SNPH: variants seen among roughly 807,000 people sequenced by gnomAD.
SNPH encodes syntaphilin.
Under a neutral mutation model 36.8 loss-of-function variants are expected in SNPH, and 10 were observed. That is an observed-to-expected ratio of 0.27 (90% CI 0.17 to 0.46). The LOEUF (loss-of-function observed/expected upper bound fraction) is 0.46. SNPH is among the 20% of genes least tolerant of loss of function. The probability of loss-of-function intolerance (pLI) is 1.00; values close to 1 mark genes in which losing one functional copy is unlikely to be tolerated. For synonymous variants in SNPH, 281 were observed against 312.2 expected, an observed-to-expected ratio of 0.90 and a Z score of 1.05; for missense variants, 622 against 744.0, an observed-to-expected ratio of 0.84 and a Z score of 1.91.
chr20:1,291,982 A>G (rs1006852315), intron 2 of SNPH, among the ~76,000 whole-genome samples: 2 of 152,240 alleles, frequency 1.3e-5, no homozygotes, highest in Non-Finnish European at 2.9e-5. Flanking sequence ...TTAGAAGCCC[A>G]TAATTTCATT....
chr20:1,272,544 T>C (rs1362412135), intron 2 of SNPH, among the ~76,000 whole-genome samples: 1 of 152,260 alleles, frequency 6.6e-6, no homozygotes, highest in African/African-American at 2.4e-5. Flanking sequence ...TTGTGACATC[T>C]CCTAATTTTT....
At chr20:1,275,552 T>C (rs2088122224) in intron 2 of SNPH, among the ~76,000 whole-genome samples, 1 of 152,212 alleles carries the variant, frequency 6.6e-6, no homozygotes. Context: ...AATTTGTCCA[T>C]GGCCCACAGC....
rs992080202 is a variant in SNPH, at chr20:1,294,180, G to A, written c.-492-771G>A. Among the ~76,000 whole-genome samples the A allele has an allele frequency of 3.3e-5, 5 of 152,184 alleles. No homozygotes were observed. The highest frequency in any genetic ancestry group is 4.8e-5 in the African/African-American group (2 of 41,430). ...TCACACCTGCAGCTGTGTGACCTTGGGCCCAAATGCAGTAACAAAGCCGGC... is the reference window on the plus strand; with the variant it reads ...TCACACCTGCAGCTGTGTGACCTTGAGCCCAAATGCAGTAACAAAGCCGGC... On this transcript the variant is annotated intron_variant, in intron 2 of 6. Coordinates refer to ENST00000381867, the MANE Select transcript of SNPH (RefSeq NM_001318234.2). The surrounding 1 kb of genome is among the most constrained non-coding windows in gnomAD (Gnocchi z 4.4).
At chr20:1,282,121 G>A (rs969123575) in intron 2 of SNPH, among the ~76,000 whole-genome samples, 11 of 152,224 alleles carry the variant, frequency 7.2e-5, no homozygotes, top group Non-Finnish European at 1.0e-4. Flanking sequence ...CCAGCTAATA[G>A]GTATACATTA....
Position 1,304,077 on chromosome 20 carries a change from T to G in SNPH, c.441-801T>G, listed in dbSNP as rs998251328. 2.6e-5 allele frequency among the ~76,000 whole-genome samples: 4 copies of G among 152,178 alleles called. No individual in the cohort carries two copies. Among genetic ancestry groups the G allele is most frequent in the Non-Finnish European group, 4.4e-5 (3 of 68,014 alleles). ...CTCGGGAATTTGAAAAGCCTGAGCA[T>G]TTCTGGACAAGAGTCTGCCGACTAT... is the stretch of plus-strand genomic sequence containing the variant. On this transcript the variant is annotated intron_variant, in intron 6 of 6. Transcript: ENST00000381867. The surrounding 1 kb of genome is among the most constrained non-coding windows in gnomAD (Gnocchi z 4.3).
At chr20:1,288,717 G>C (rs746227215) in intron 2 of SNPH, among the ~76,000 whole-genome samples, 5 of 151,588 alleles carry the variant, frequency 3.3e-5, no homozygotes, top group Non-Finnish European at 5.9e-5. Context: ...TGCCTCCCAG[G>C]CTCAAGATAT....
chr20:1,281,283 G>A (rs555352715), intron 2 of SNPH, among the ~76,000 whole-genome samples: 7 of 152,132 alleles, frequency 4.6e-5, no homozygotes, highest in Non-Finnish European at 8.8e-5. Context: ...TCGTTAAAAC[G>A]TCGTCATCCC....
In SNPH at chr20:1,288,873, C is replaced by T. The variant is rs919426044; in HGVS notation, c.-492-6078C>T. 7.2e-5 allele frequency among the ~76,000 whole-genome samples: 11 copies of T among 152,214 alleles called. 1 individual carries two copies. The highest frequency in any genetic ancestry group is 3.9e-4 in the East Asian group (2 of 5,172). ...CTGACCTCAGGTGATCCGCCCACCT[C>T]GGCCTCCCAAAGTGCTGGGATTACA... On this transcript the variant is annotated intron_variant, in intron 2 of 6. Coordinates refer to ENST00000381867, the MANE Select transcript of SNPH (RefSeq NM_001318234.2).
chr20:1,277,095 G>T (rs1259896368), intron 2 of SNPH, among the ~76,000 whole-genome samples: 1 of 152,166 alleles, frequency 6.6e-6, no homozygotes. Flanking sequence ...AGGGAATCTG[G>T]CTGGGATATT....
chr20:1,278,619 G>A (rs564390913), intron 2 of SNPH, among the ~76,000 whole-genome samples: 1 of 152,224 alleles, frequency 6.6e-6, no homozygotes, highest in Admixed American at 6.5e-5. Context: ...CACATTTTTG[G>A]TTTGGCTTTT....
At chr20:1,275,852 T>C (rs2088125186) in intron 2 of SNPH, among the ~76,000 whole-genome samples, 1 of 152,186 alleles carries the variant, frequency 6.6e-6, no homozygotes, top group African/African-American at 2.4e-5. Flanking sequence ...GTCAGCAGTA[T>C]TTCCTCCCTG....
rs1240583462 is a variant in SNPH, at chr20:1,276,072, T to C, written c.-493+9312T>C. Among the ~76,000 whole-genome samples the C allele has an allele frequency of 6.6e-6, 1 of 152,162 alleles. No individual in the cohort carries two copies. The highest frequency in any genetic ancestry group is 6.5e-5 in the Admixed American group (1 of 15,278). ...GCCTAAGCTCTGTGCTCTCAGAGGATGGAGAGGACCTGACCCCTCCACACC... is the reference window on the plus strand; with the variant it reads ...GCCTAAGCTCTGTGCTCTCAGAGGACGGAGAGGACCTGACCCCTCCACACC... On this transcript the variant is annotated intron_variant, in intron 2 of 6. Coordinates refer to ENST00000381867, the MANE Select transcript of SNPH (RefSeq NM_001318234.2). This position sits in a 1 kb window ranked among gnomAD's most constrained non-coding sequence, Gnocchi z 4.6.
At chr20:1,303,111 A>G (rs543607395) in intron 6 of SNPH, among the ~76,000 whole-genome samples, 2 of 152,314 alleles carry the variant, frequency 1.3e-5, no homozygotes, top group African/African-American at 4.8e-5. Context: ...TACATGAAAT[A>G]CTGTCACTCT....
In SNPH at chr20:1,276,777, C is replaced by T. The variant is rs900351944; in HGVS notation, c.-493+10017C>T. Among the ~76,000 whole-genome samples the T allele has an allele frequency of 7.9e-5, 12 of 152,338 alleles. No individual in the cohort carries two copies. Among genetic ancestry groups the T allele is most frequent in the African/African-American group, 2.9e-4 (12 of 41,576 alleles). On this transcript the variant is annotated intron_variant, in intron 2 of 6. Transcript: ENST00000381867. This position sits in a 1 kb window ranked among gnomAD's most constrained non-coding sequence, Gnocchi z 4.6. ...TCCCTCCTCACTGGAGGTATTCAAA[C>T]TGGGTCCGGGTGACTGCAGAACAGG...
intron 2 of SNPH, among the ~76,000 whole-genome samples, chr20:1,282,497 G>A (rs529057159): frequency 6.6e-6 from 1 of 152,220 alleles, no homozygotes; most frequent in African/African-American, 2.4e-5. Flanking sequence ...ACAACCCCTT[G>A]CCCCCTAAAA....
At chr20:1,292,042 T>C (rs912107) in intron 2 of SNPH, among the ~76,000 whole-genome samples, 20,451 of 152,242 alleles carry the variant, frequency 0.13, 1,367 homozygotes, top group Middle Eastern at 0.23. Context: ...TTAGAGACCA[T>C]CTAATCTGAC....
rs539332108 is a variant in SNPH at position 1,306,415 on chromosome 20, G to A, written c.*361G>A. ...CTTCATGTGGGGAAGCCGGGCTTGAGTTGCCCATAGGCCCCTGCCCTGCAC... is the reference window on the plus strand; with the variant it reads ...CTTCATGTGGGGAAGCCGGGCTTGAATTGCCCATAGGCCCCTGCCCTGCAC... On this transcript the variant is annotated 3_prime_UTR_variant, in exon 7 of 7. Coordinates refer to ENST00000381867, the MANE Select transcript of SNPH (RefSeq NM_001318234.2). 2 of 202,726 alleles carry A rather than the reference G, an allele frequency of 9.9e-6. No individual in the cohort carries two copies. The highest frequency in any genetic ancestry group is 1.2e-4 in the East Asian group (1 of 8,236). The allele number at this position is 202,726 out of a possible 1,614,324, so 12.6% of individuals were successfully genotyped here.
At chr20:1,280,889 G>A (rs1293048326) in intron 2 of SNPH, among the ~76,000 whole-genome samples, 1 of 152,174 alleles carries the variant, frequency 6.6e-6, no homozygotes, top group South Asian at 2.1e-4. Flanking sequence ...AAGGCATGAT[G>A]CCCATTCCTC....
In SNPH at chr20:1,266,375, T is replaced by C; in HGVS notation, c.-622T>C. 1 of 329,976 alleles carries C rather than the reference T, an allele frequency of 3.0e-6. No homozygotes were observed. Among genetic ancestry groups the C allele is most frequent in the East Asian group, 5.4e-5 (1 of 18,620 alleles). The allele number at this position is 329,976 out of a possible 1,614,324, so 20.4% of individuals were successfully genotyped here. On this transcript the variant is annotated 5_prime_UTR_variant, in exon 1 of 7. Transcript: ENST00000381867. The surrounding 1 kb of genome is among the most constrained non-coding windows in gnomAD (Gnocchi z 6.0). ...AATTCGGCGGCCCCTGCAGGGCAGC[T>C]GAAGCCATGGAAGCCTCCGCAGGTG... is the stretch of plus-strand genomic sequence containing the variant.
Sources: gnomAD v4.1 joint callset for allele counts (sites outside exome capture counted in the v4.1 genomes callset) on GRCh38, gnomAD v4.1.1 for gene constraint, Gnocchi (gnomAD v3.1) non-coding constraint, MANE v1.5 for transcripts, NCBI Gene and HGNC (gene_info 2026-07-23, HGNC 2026-07-21) for gene names.